Variants in SPAG6 observed in about 807,000 individuals in gnomAD.
SPAG6 encodes the protein sperm-associated antigen 6.
Under a neutral mutation model 58.5 loss-of-function variants are expected in SPAG6, and 49 were observed. That is an observed-to-expected ratio of 0.84 (90% confidence interval 0.67 to 1.06). The LOEUF (loss-of-function observed/expected upper bound fraction) is 1.06. SPAG6 is among the 50% of genes least tolerant of loss of function. SPAG6 has a pLI of 0.00. For missense variants in SPAG6, 560 were observed against 611.3 expected (o/e 0.92, Z 0.89); for synonymous variants, 233 against 225.6 (o/e 1.03, Z -0.29).
chr10:22,398,408 A>G (rs1564377024), intron 8 of SPAG6, among the ~76,000 whole-genome samples: 1 of 122,156 alleles, frequency 8.2e-6, no homozygotes. Flanking sequence ...TCATCAAGAT[A>G]AAAAAAAATC....
chr10:22,367,775 A>C (rs1837238061), intron 3 of SPAG6, among the ~76,000 whole-genome samples: 1 of 152,170 alleles, frequency 6.6e-6, no homozygotes, highest in Non-Finnish European at 1.5e-5. Flanking sequence ...CCTTAGTGAG[A>C]AACAATGCAT....
chr10:22,401,594 C>A (rs1386173536), intron 9 of SPAG6, among the ~76,000 whole-genome samples: 2 of 152,000 alleles, frequency 1.3e-5, no homozygotes, highest in East Asian at 3.9e-4. Context: ...ATTTCACTCA[C>A]CTGGGAATAT....
intron 4 of SPAG6, among the ~76,000 whole-genome samples, chr10:22,371,151 T>C (rs535197932): frequency 9.2e-5 from 14 of 152,214 alleles, no homozygotes; most frequent in Non-Finnish European, 1.9e-4. Flanking sequence ...GAAGAGATTA[T>C]TGCATAGATT....
intron 2 of SPAG6, among the ~76,000 whole-genome samples, chr10:22,353,786 G>A (rs1210432505): frequency 6.6e-6 from 1 of 152,202 alleles, no homozygotes; most frequent in African/African-American, 2.4e-5. Context: ...CCTTACTCAA[G>A]ATTTGGGAAT....
At chr10:22,354,204 G>A (rs1231335918) in intron 2 of SPAG6, among the ~76,000 whole-genome samples, 1 of 152,184 alleles carries the variant, frequency 6.6e-6, no homozygotes, top group Non-Finnish European at 1.5e-5. Flanking sequence ...AGGATCAGGA[G>A]ACTGGGTGCT....
In SPAG6 at chr10:22,354,429, T is replaced by C. The variant is rs150860167; in HGVS notation, c.121+8611T>C. 2.8e-3 allele frequency among the ~76,000 whole-genome samples: 428 copies of C among 152,278 alleles called. 2 individuals carry two copies. The highest frequency in any genetic ancestry group is 9.9e-3 in the African/African-American group (410 of 41,562). ...AAATTGTGATTTTACTCTTCAGTGG[T>C]TGAAGCGTGTCTGAGATATCCATGC... On this transcript the variant is annotated intron_variant, in intron 2 of 10. Transcript: ENST00000376624.
At chr10:22,404,893 T>C (rs904416000) in intron 9 of SPAG6, among the ~76,000 whole-genome samples, 2 of 152,226 alleles carry the variant, frequency 1.3e-5, no homozygotes, top group African/African-American at 2.4e-5. Flanking sequence ...TTTTATTCTC[T>C]TTGAAGCAAT....
At chr10:22,365,173 G>A (rs1837162879) in intron 3 of SPAG6, among the ~76,000 whole-genome samples, 154 bp downstream of exon 3, 2 of 152,208 alleles carry the variant, frequency 1.3e-5, no homozygotes, top group South Asian at 4.1e-4. Context: ...TATTTTCAGG[G>A]TATTTTGCTT....
chr10:22,378,754 GT>G (rs199573719), intron 4 of SPAG6, among the ~76,000 whole-genome samples: 1 of 151,554 alleles, frequency 6.6e-6, no homozygotes, highest in Non-Finnish European at 1.5e-5. Context: ...TTTTTGTTTT[GT>G]TTTTTTTCTC....
chr10:22,389,378 G>T lies in SPAG6; in HGVS notation c.1005+66G>T, dbSNP rs1834135971. 9.3e-6 allele frequency: 14 copies of T among 1,508,786 alleles called. No individual in the cohort carries two copies. In the South Asian group the frequency reaches 1.6e-4, roughly 18 times the overall value. 93.5% of individuals were successfully genotyped at this position (1,508,786 alleles called of 1,614,324 possible). A position where few individuals can be genotyped will look rare whatever the true frequency, so the allele number is the denominator to read the frequency against. ...TTCTAAGACAGAACCACAGATTAAT[G>T]TTCTCCAACAGAATACAAAATATAA... On this transcript the variant is annotated intron_variant, in intron 7 of 10. Coordinates refer to ENST00000376624, the MANE Select transcript of SPAG6 (RefSeq NM_012443.4).
chr10:22,360,234 A>C (rs1302997152), intron 2 of SPAG6, among the ~76,000 whole-genome samples: 2 of 151,222 alleles, frequency 1.3e-5, no homozygotes, highest in Non-Finnish European at 2.9e-5. Context: ...GTTAACCCTG[A>C]TATCTTTTTT....
intron 9 of SPAG6, among the ~76,000 whole-genome samples, chr10:22,405,928 GGT>G (rs1834542148): frequency 6.6e-6 from 1 of 152,180 alleles, no homozygotes; most frequent in Non-Finnish European, 1.5e-5. Flanking sequence ...TTTGCGTAGA[GGT>G]GTTTATAGTA....
At chr10:22,350,588 C>T (rs900025406) in intron 2 of SPAG6, among the ~76,000 whole-genome samples, 16 of 152,140 alleles carry the variant, frequency 1.1e-4, no homozygotes, top group Admixed American at 2.6e-4. Flanking sequence ...ACTTTACATT[C>T]GAATGAGGTT....
At chr10:22,377,489 G>C (rs191319009) in intron 4 of SPAG6, among the ~76,000 whole-genome samples, 1 of 152,156 alleles carries the variant, frequency 6.6e-6, no homozygotes, top group African/African-American at 2.4e-5. Context: ...CTGTATAATA[G>C]CAAACAACCA....
At chr10:22,402,097 A>G (rs1834427937) in intron 9 of SPAG6, among the ~76,000 whole-genome samples, 1 of 152,198 alleles carries the variant, frequency 6.6e-6, no homozygotes, top group Non-Finnish European at 1.5e-5. Context: ...TAGTTTGGTT[A>G]CCCATAAAAT....
Position 22,377,816 on chromosome 10 carries a change from G to A in SPAG6, c.473-8938G>A, listed in dbSNP as rs534374503. Among the ~76,000 whole-genome samples the A allele has an allele frequency of 1.2e-4, 19 of 152,246 alleles. No homozygotes were observed. The South Asian group carries it at 3.9e-3, about 32-fold the overall frequency. The stretch of plus-strand genomic sequence containing the variant: ...TCTAGAGAATCCCATCAGGGTACCT[G>A]TGGCCTTTTGCTGTCTAGCCTTCTC... On this transcript the variant is annotated intron_variant, in intron 4 of 10. Coordinates refer to ENST00000376624, the MANE Select transcript of SPAG6 (RefSeq NM_012443.4).
At chr10:22,412,083 T>C (rs1834754005) in intron 10 of SPAG6, among the ~76,000 whole-genome samples, 1 of 152,108 alleles carries the variant, frequency 6.6e-6, no homozygotes, top group Non-Finnish European at 1.5e-5. Flanking sequence ...TATCCTGACG[T>C]CGTGATCCGC....
intron 2 of SPAG6, 190 bp downstream of exon 2, chr10:22,346,008 G>A (rs1836516283): frequency 5.8e-6 from 9 of 1,547,080 alleles, no homozygotes; most frequent in Non-Finnish European, 7.9e-6. Flanking sequence ...GGTTGTGGGA[G>A]GTGCGCGTTG....
chr10:22,373,366 T>G (rs1002367072), intron 4 of SPAG6, among the ~76,000 whole-genome samples: 6 of 152,238 alleles, frequency 3.9e-5, no homozygotes, highest in Admixed American at 3.3e-4. Context: ...CAGAATTCTT[T>G]TGAATATTCT....
Sources: gnomAD v4.1 joint callset for allele counts (sites outside exome capture counted in the v4.1 genomes callset) on GRCh38, gnomAD v4.1.1 for gene constraint, MANE v1.5 for transcripts, NCBI Gene and HGNC (gene_info 2026-07-23, HGNC 2026-07-21) for gene names.